The following ISM2 variants were observed in gnomAD, a reference collection of about 807,000 sequenced individuals.
The protein encoded by ISM2 is isthmin-2.
ISM2 carries 50 observed loss-of-function variants against 58.0 expected under a neutral mutation model. The observed-to-expected ratio is 0.86, with a 90% CI of 0.69 to 1.09. The LOEUF (loss-of-function observed/expected upper bound fraction) is 1.09. Among genes scored for constraint, ISM2 ranks in the 50% least tolerant of loss-of-function variants. ISM2 has a pLI of 0.00. For synonymous variants in ISM2, 303 were observed against 312.4 expected (o/e 0.97, Z 0.32); for missense variants, 723 against 745.0 (o/e 0.97, Z 0.34).
intron 4 of ISM2, among the ~76,000 whole-genome samples, chr14:77,481,962 T>G (rs961753662): frequency 3.3e-5 from 5 of 151,376 alleles, no homozygotes; most frequent in African/African-American, 1.2e-4. Context: ...TAGCCTGCCC[T>G]GGTGGTATGC....
At chr14:77,485,039 G>A in intron 1 of ISM2, 120 bp from the exon 2 acceptor site, 1 of 1,018,680 alleles carries the variant, frequency 9.8e-7, no homozygotes, top group East Asian at 2.4e-5. Flanking sequence ...AACTCACCCT[G>A]TGACTTACAT....
chr14:77,498,074 T>C (rs1403725154), intron 1 of ISM2: 1 of 336,768 alleles, frequency 3.0e-6, no homozygotes, highest in South Asian at 2.3e-5. Context: ...CTTCTCTCCA[T>C]GGCCAACACC....
At chr14:77,485,361 C>A (rs2079161596) in intron 1 of ISM2, among the ~76,000 whole-genome samples, 1 of 152,254 alleles carries the variant, frequency 6.6e-6, no homozygotes, top group Admixed American at 6.5e-5. Context: ...GAGTGGGCAG[C>A]AGGCCTTGGC....
chr14:77,495,140 T>C (rs1339771356), intron 1 of ISM2, among the ~76,000 whole-genome samples: 1 of 152,132 alleles, frequency 6.6e-6, no homozygotes, highest in East Asian at 1.9e-4. Flanking sequence ...TTCTCCCACC[T>C]TGGCCTCCCA....
At chr14:77,481,189 A>C (rs566125246) in intron 4 of ISM2, among the ~76,000 whole-genome samples, 9 of 152,032 alleles carry the variant, frequency 5.9e-5, no homozygotes, top group African/African-American at 2.2e-4. Flanking sequence ...AAACTACAAA[A>C]ATTAGCCAGG....
chr14:77,490,627 G>GCTTT (rs2079197652), intron 1 of ISM2, among the ~76,000 whole-genome samples: 1 of 152,226 alleles, frequency 6.6e-6, no homozygotes, highest in African/African-American at 2.4e-5. Context: ...TCCAGGCAGT[G>GCTTT]GCTGCACCTT....
At chr14:77,495,020 A>C (rs2079229991) in intron 1 of ISM2, among the ~76,000 whole-genome samples, 1 of 152,072 alleles carries the variant, frequency 6.6e-6, no homozygotes, top group Admixed American at 6.6e-5. Flanking sequence ...AGTAGCTGAG[A>C]CTACGGGGGG....
Position 77,475,292 on chromosome 14 carries a change from A to G in ISM2, c.*303T>C. The G allele has an allele frequency of 4.2e-6, 1 of 239,242 alleles. No individual in the cohort carries two copies. Among genetic ancestry groups the G allele is most frequent in the South Asian group, 1.6e-4 (1 of 6,316 alleles). 14.8% of individuals were successfully genotyped at this position (239,242 alleles called of 1,614,324 possible). ...AGCCCAGCTCCCAAGGAGGAGAAAA[A>G]TGAGTGGCCAGGGTCCCAGCAGGCA... On this transcript the variant is annotated 3_prime_UTR_variant, in exon 7 of 7. Transcript: ENST00000342219. The surrounding 1 kb of genome is among the most constrained non-coding windows in gnomAD (Gnocchi z 4.1).
At position 77,482,671 on chromosome 14, in the gene ISM2, C is replaced by T; in HGVS notation, c.628-4G>A. The T allele has an allele frequency of 6.6e-7, 1 of 1,526,378 alleles. No individual in the cohort carries two copies. Among genetic ancestry groups the T allele is most frequent in the Non-Finnish European group, 8.8e-7 (1 of 1,139,892 alleles). The allele number at this position is 1,526,378 out of a possible 1,614,324, so 94.6% of individuals were successfully genotyped here. On this transcript the variant is annotated splice_polypyrimidine_tract_variant and splice_region_variant and intron_variant, in intron 3 of 6. Coordinates refer to ENST00000342219, the MANE Select transcript of ISM2 (RefSeq NM_199296.3). ...CCTCCACCACCTTGATGGTCACCTG[C>T]AGGAGACAGGCCAGGCCGGCCAGTG...
chr14:77,478,201 G>C (rs774999259), intron 6 of ISM2, 41 bp downstream of exon 6: 53 of 1,554,960 alleles, frequency 3.4e-5, no homozygotes, highest in African/African-American at 2.7e-5. Flanking sequence ...CTGAGAGCTC[G>C]TTCCCCAAAC....
At chr14:77,488,748 G>C (rs971802262) in intron 1 of ISM2, among the ~76,000 whole-genome samples, 3 of 152,212 alleles carry the variant, frequency 2.0e-5, no homozygotes, top group Non-Finnish European at 4.4e-5. Context: ...GGAGCCATCA[G>C]GGGCACCCCC....
chr14:77,498,091 C>A, intron 1 of ISM2: 1 of 350,518 alleles, frequency 2.9e-6, no homozygotes, highest in Non-Finnish European at 5.3e-6. Context: ...CACCACTCTT[C>A]CATCTCATTC....
In ISM2 at chr14:77,484,707, T is replaced by C. The variant is rs769019082; in HGVS notation, c.354A>G (p.Thr118=). ...TATCAGGGTTAGGGGTACTCAAGGT[T>C]GTGTTGGCCAATCCCGGCAGCTTCT... The part of the protein sequence containing the change: ...ELQKLPGLAN[T]TLSTPNPDTQ... Residue 118 remains threonine, a synonymous_variant, in exon 2 of 7, where the codon ACA becomes ACG. Transcript: ENST00000342219. 1.9e-6 allele frequency: 3 copies of C among 1,608,608 alleles called. No homozygotes were observed. The highest frequency in any genetic ancestry group is 2.5e-6 in the Non-Finnish European group (3 of 1,178,816).
At position 77,498,707 on chromosome 14, in the gene ISM2, C is replaced by T. The variant is rs1437090585; in HGVS notation, c.87G>A (p.Val29=). The part of the protein sequence containing the change: ...ALLEAALGLP[V]KKPRLRGPRP... ...GTGGTCCGCGGAGCCGCGGCTTCTT[C>T]ACGGGGAGCCCTAGCGCCGCCTCCA... The change falls in exon 1 of 7, where the codon GTG becomes GTA. Residue 29 remains valine, a synonymous_variant. Coordinates refer to ENST00000342219, the MANE Select transcript of ISM2 (RefSeq NM_199296.3). The T allele has an allele frequency of 1.3e-6, 2 of 1,484,748 alleles. No individual in the cohort carries two copies. The highest frequency in any genetic ancestry group is 2.5e-5 in the South Asian group (2 of 79,208). The allele number at this position is 1,484,748 out of a possible 1,614,324, so 92.0% of individuals were successfully genotyped here.
chr14:77,482,627 G>A lies in ISM2; in HGVS notation c.668C>T (p.Ser223Leu), dbSNP rs142992777. 1,080 of 1,583,976 alleles carry A rather than the reference G, an allele frequency of 6.8e-4. 2 individuals are homozygous for A. The highest frequency in any genetic ancestry group is 8.5e-4 in the Non-Finnish European group (989 of 1,165,882). Residue 223 changes from serine to leucine, a missense_variant, in exon 4 of 7, where the codon TCG (serine) becomes TTG (leucine). By Grantham distance (145) the Ser-to-Leu change is moderately radical. Transcript: ENST00000342219. Reference sequence around the variant, plus strand: ...GCTGGGCTCAGCCAACAGGTCTATCGACACCTCGGCCTGGGGGTCCTCCAC... The same window carrying A: ...GCTGGGCTCAGCCAACAGGTCTATCAACACCTCGGCCTGGGGGTCCTCCAC... ...KVVEDPQAEVSIDLLAEPSNP... is the reference protein window; with the variant it reads ...KVVEDPQAEVLIDLLAEPSNP...
At chr14:77,490,008 C>T (rs1346940343) in intron 1 of ISM2, among the ~76,000 whole-genome samples, 3 of 152,212 alleles carry the variant, frequency 2.0e-5, no homozygotes, top group Non-Finnish European at 4.4e-5. Context: ...GGACTACAGG[C>T]GCCCGCCACC....
At chr14:77,492,461 A>C (rs1014433481) in intron 1 of ISM2, among the ~76,000 whole-genome samples, 1 of 151,268 alleles carries the variant, frequency 6.6e-6, no homozygotes, top group Non-Finnish European at 1.5e-5. Context: ...GAAAATACCC[A>C]AGACAGAGCT....
intron 3 of ISM2, among the ~76,000 whole-genome samples, chr14:77,483,387 G>T (rs913787562): frequency 6.6e-6 from 1 of 151,888 alleles, no homozygotes; most frequent in Non-Finnish European, 1.5e-5. Context: ...GTGAAACCCC[G>T]TCTCTACTAA....
chr14:77,483,578 A>G (rs1414769956), intron 3 of ISM2, among the ~76,000 whole-genome samples: 4 of 151,636 alleles, frequency 2.6e-5, no homozygotes, highest in African/African-American at 9.7e-5. Context: ...AAAAAAGAAT[A>G]TCACCTATAT....
Sources: gnomAD v4.1 joint callset for allele counts (sites outside exome capture counted in the v4.1 genomes callset) on GRCh38, gnomAD v4.1.1 for gene constraint, Gnocchi (gnomAD v3.1) non-coding constraint, MANE v1.5 for transcripts, NCBI Gene and HGNC (gene_info 2026-07-23, HGNC 2026-07-21) for gene names.